The following LTBP2 variants were observed in gnomAD, a reference collection of about 807,000 sequenced individuals.
LTBP2 encodes latent transforming growth factor beta binding protein 2.
A neutral mutation model predicts 210.6 loss-of-function variants in LTBP2; 103 were observed. The observed-to-expected ratio is 0.49, with a 90% CI of 0.42 to 0.58. LTBP2 has a LOEUF of 0.58. Among genes scored for constraint, LTBP2 ranks in the 20% least tolerant of loss-of-function variants. The pLI is 0.00. For missense variants in LTBP2, 2,313 were observed against 2,494.5 expected, an observed-to-expected ratio of 0.93 and a Z score of 1.55; for synonymous variants, 1,007 against 1,015.0, an observed-to-expected ratio of 0.99 and a Z score of 0.15.
rs553562104 is a variant in LTBP2 at position 74,551,219 on chromosome 14, G to A, written c.1531C>T (p.Pro511Ser). ...GGGCTGGCAGGCAGCCAGGGCGGGG[G>A]TCTGGTCTCCACGCTGTTCTCCACT... ...ALVENSVETR[P>S]PPWLPASPGH... The change falls in exon 7 of 36, where the codon CCC becomes TCC. Residue 511 changes from proline (P) to serine (S), a missense_variant. Physicochemically the swap from Pro to Ser is moderately conservative, Grantham distance 74 (BLOSUM62 -1). This residue lies in a region of LTBP2 where 1,867 missense variants were observed against 1,976.9 expected (regional missense o/e 0.94). Transcript: ENST00000261978. 4.3e-6 allele frequency: 7 copies of A among 1,613,360 alleles called. No individual in the cohort carries two copies. Among genetic ancestry groups the A allele is most frequent in the Non-Finnish European group, 5.1e-6 (6 of 1,179,918 alleles).
At chr14:74,535,222 C>T (rs1424281808) in intron 9 of LTBP2, among the ~76,000 whole-genome samples, 1 of 152,116 alleles carries the variant, frequency 6.6e-6, no homozygotes, top group African/African-American at 2.4e-5. Flanking sequence ...CCATGCAGAG[C>T]TTCCCCAGAC....
intron 18 of LTBP2, 30 bp downstream of exon 18, chr14:74,516,792 C>CGGGGGGGGGGGGGGGGGG: frequency 6.5e-7 from 1 of 1,546,324 alleles, no homozygotes. Flanking sequence ...GGTGGGGTGG[C>CGGGGGGGGGGGGGGGGGG]AGGGCGCTTC....
intron 8 of LTBP2, among the ~76,000 whole-genome samples, chr14:74,544,588 C>A (rs958584944): frequency 6.6e-6 from 1 of 152,186 alleles, no homozygotes; most frequent in African/African-American, 2.4e-5. Context: ...CCCTCCCATA[C>A]CCATCCTCCC....
At chr14:74,536,073 G>T in intron 8 of LTBP2, 73 bp from the exon 9 acceptor site, 1 of 1,305,414 alleles carries the variant, frequency 7.7e-7, no homozygotes. Flanking sequence ...CTGGGAAGCG[G>T]GTGCAGTCTG....
chr14:74,610,052 G>T lies in LTBP2; in HGVS notation c.494+1399C>A, dbSNP rs576385133. ...CTGGGCCTTCCATGGGCAGCAGGGA[G>T]TTCATCCACTCATTCAACAGATACC... On this transcript the variant is annotated intron_variant, in intron 1 of 35. Transcript: ENST00000261978. 5.9e-5 allele frequency among the ~76,000 whole-genome samples: 9 copies of T among 152,320 alleles called. No homozygotes were observed. The East Asian group carries it at 1.7e-3, about 29-fold the overall frequency.
intron 35 of LTBP2, among the ~76,000 whole-genome samples, 181 bp downstream of exon 35, chr14:74,501,260 C>T (rs1250814149): frequency 6.6e-6 from 1 of 152,228 alleles, no homozygotes; most frequent in Non-Finnish European, 1.5e-5. Context: ...TGTCTGGGAA[C>T]CTGCACGGAA....
At chr14:74,544,082 G>A (rs1258988379) in intron 8 of LTBP2, among the ~76,000 whole-genome samples, 1 of 152,198 alleles carries the variant, frequency 6.6e-6, no homozygotes, top group Non-Finnish European at 1.5e-5. Flanking sequence ...ATTCCCAGCA[G>A]GCTTCAAGTC....
chr14:74,543,714 G>A (rs2087544393), intron 8 of LTBP2, among the ~76,000 whole-genome samples: 1 of 152,124 alleles, frequency 6.6e-6, no homozygotes. Context: ...GGGTTATTAT[G>A]AACATGAAAT....
intron 1 of LTBP2, among the ~76,000 whole-genome samples, chr14:74,605,740 C>T (rs1340663545): frequency 6.6e-6 from 1 of 152,226 alleles, no homozygotes; most frequent in Non-Finnish European, 1.5e-5. Flanking sequence ...GCCGTCACCC[C>T]AGCTGCCCTC....
chr14:74,520,801 AAATGAATGAATG>A (rs36111387), intron 17 of LTBP2, among the ~76,000 whole-genome samples: 25 of 150,052 alleles, frequency 1.7e-4, no homozygotes, highest in African/African-American at 6.2e-4. Context: ...ACTCCATCAT[AAATGAATGAATG>A]AATGAATGAA....
chr14:74,579,531 C>A (rs1285457040), intron 3 of LTBP2, among the ~76,000 whole-genome samples: 1 of 152,206 alleles, frequency 6.6e-6, no homozygotes, highest in Non-Finnish European at 1.5e-5. Context: ...TCCTGTGGAG[C>A]CGTGGAGGCT....
At chr14:74,503,159 G>A in intron 33 of LTBP2, 60 bp downstream of exon 33, 1 of 1,599,860 alleles carries the variant, frequency 6.3e-7, no homozygotes, top group Non-Finnish European at 8.5e-7. Context: ...CAAGGTGAGG[G>A]CATCCCCCTC....
intron 3 of LTBP2, among the ~76,000 whole-genome samples, chr14:74,559,241 C>T (rs530376823): frequency 3.9e-5 from 6 of 152,224 alleles, no homozygotes; most frequent in African/African-American, 1.4e-4. Context: ...GTCCAAGTGT[C>T]CTTATATATA....
rs563692350 is a variant in LTBP2, at chr14:74,536,398, C to T, written c.1790-398G>A. ...GAATAAGTTCAAAGGATCTGTTGTA[C>T]GACATAGTGACTATGGTTAATAACA... On this transcript the variant is annotated intron_variant, in intron 8 of 35. Transcript: ENST00000261978. Among the ~76,000 whole-genome samples, 9 of 152,230 alleles carry T rather than the reference C, an allele frequency of 5.9e-5. No homozygotes were observed. In the East Asian group the frequency reaches 7.7e-4, roughly 13 times the overall value.
chr14:74,566,071 T>G (rs1480642543), intron 3 of LTBP2, among the ~76,000 whole-genome samples: 6 of 108,348 alleles, frequency 5.5e-5, no homozygotes, highest in African/African-American at 1.1e-4. Context: ...TATAGCTGGG[T>G]TTTTTTTTTT....
intron 2 of LTBP2, among the ~76,000 whole-genome samples, chr14:74,600,867 C>G (rs986688635): frequency 1.3e-5 from 2 of 152,194 alleles, no homozygotes; most frequent in Non-Finnish European, 2.9e-5. Context: ...GTCAGCGTTC[C>G]TGGGAGCTGG....
chr14:74,516,121 C>T (rs2087131110), intron 18 of LTBP2, among the ~76,000 whole-genome samples: 1 of 152,234 alleles, frequency 6.6e-6, no homozygotes, highest in Non-Finnish European at 1.5e-5. Context: ...TCTTCTTGGA[C>T]TGCGCCTGGA....
At chr14:74,589,624 C>A (rs1166119600) in intron 2 of LTBP2, among the ~76,000 whole-genome samples, 1 of 152,204 alleles carries the variant, frequency 6.6e-6, no homozygotes. Flanking sequence ...CCTGGCCACC[C>A]CTCCATCTGC....
At chr14:74,566,571 C>T (rs1485765583) in intron 3 of LTBP2, among the ~76,000 whole-genome samples, 2 of 152,170 alleles carry the variant, frequency 1.3e-5, no homozygotes, top group Non-Finnish European at 1.5e-5. Context: ...TCTGGCCAGG[C>T]AGGCCCTTGG....
Sources: gnomAD v4.1 joint callset for allele counts (sites outside exome capture counted in the v4.1 genomes callset) on GRCh38, gnomAD v4.1.1 for gene constraint, gnomAD v4.1.1 regional missense constraint, MANE v1.5 for transcripts, NCBI Gene and HGNC (gene_info 2026-07-23, HGNC 2026-07-21) for gene names.